The following RARB variants were observed in gnomAD, a reference collection of about 807,000 sequenced individuals.
The protein encoded by RARB is HBV-activated protein.
A neutral mutation model predicts 51.9 loss-of-function variants in RARB; 17 were observed. That is an observed-to-expected ratio of 0.33 (90% CI 0.22 to 0.49). RARB has a LOEUF of 0.49. Ranked by LOEUF, RARB falls within the 20% of genes least tolerant of loss-of-function variation. The probability of loss-of-function intolerance (pLI) is 0.99; values close to 1 mark genes in which losing one functional copy is unlikely to be tolerated. For missense variants in RARB, 369 were observed against 550.8 expected (o/e 0.67, Z 3.30); for synonymous variants, 215 against 195.4 (o/e 1.10, Z -0.84).
chr3:24,905,005 A>T (rs1405177096), intron 2 of RARB, among the ~76,000 whole-genome samples: 1 of 152,014 alleles, frequency 6.6e-6, no homozygotes, highest in Non-Finnish European at 1.5e-5. Context: ...ACACAAGGGG[A>T]GGGATAGTAT....
At position 25,312,418 on chromosome 3, in the gene RARB, T is replaced by C. The variant is rs73154996; in HGVS notation, c.178+137843T>C. On this transcript the variant is annotated intron_variant, in intron 5 of 11. Coordinates refer to the RARB transcript ENST00000383772. ...GAGAAGTTAAAGGACTCATTCAGGA[T>C]TATACAGCTAATAAGCAGCACGTCA... 9.8e-3 allele frequency among the ~76,000 whole-genome samples: 1,495 copies of C among 152,264 alleles called. 21 individuals carry two copies. The highest frequency in any genetic ancestry group is 0.034 in the African/African-American group (1,406 of 41,542).
chr3:25,503,936 C>G (rs1350950566), intron 3 of RARB, among the ~76,000 whole-genome samples: 1 of 152,200 alleles, frequency 6.6e-6, no homozygotes, highest in Non-Finnish European at 1.5e-5. Flanking sequence ...GTTCTCCCAG[C>G]AGTCCCAACT....
At chr3:25,035,851 C>A (rs1344399001) in intron 2 of RARB, among the ~76,000 whole-genome samples, 1 of 152,094 alleles carries the variant, frequency 6.6e-6, no homozygotes, top group East Asian at 1.9e-4. Flanking sequence ...GTTTGTGAAC[C>A]ACTGGTCTAC....
chr3:24,992,292 T>A (rs746692461), intron 2 of RARB, among the ~76,000 whole-genome samples: 1 of 152,214 alleles, frequency 6.6e-6, no homozygotes, highest in African/African-American at 2.4e-5. Context: ...GTTTGACATA[T>A]GTTTCTTTTC....
At chr3:24,985,298 G>A (rs572800874) in intron 2 of RARB, among the ~76,000 whole-genome samples, 6 of 151,922 alleles carry the variant, frequency 3.9e-5, no homozygotes, top group South Asian at 2.1e-4. Context: ...AGCAGCAATC[G>A]GACTTACACT....
At chr3:25,328,225 G>T (rs1704782483) in intron 5 of RARB, among the ~76,000 whole-genome samples, 1 of 152,222 alleles carries the variant, frequency 6.6e-6, no homozygotes, top group South Asian at 2.1e-4. Flanking sequence ...AGCGATTTAA[G>T]TAGTTGCCTC....
intron 2 of RARB, among the ~76,000 whole-genome samples, chr3:24,961,859 T>C (rs1194750352): frequency 6.6e-6 from 1 of 152,034 alleles, no homozygotes; most frequent in Non-Finnish European, 1.5e-5. Flanking sequence ...ATTTTGGTTT[T>C]CTTATAAGTG....
chr3:25,594,466 GGGGAA>G lies in RARB; in HGVS notation c.992-53_992-49del. On this transcript the variant is annotated intron_variant, in intron 6 of 7. Coordinates refer to ENST00000330688, the MANE Select transcript of RARB (RefSeq NM_000965.5). Reference sequence around the variant, plus strand: ...AGTAGGAATAAGGAAACAAGGAAGAGGGGAAAAGGGCATAAATCCTGATTTTGTTT... The same window carrying G: ...AGTAGGAATAAGGAAACAAGGAAGAGAAGGGCATAAATCCTGATTTTGTTT... 6.0e-6 allele frequency: 9 copies of G among 1,508,652 alleles called. No homozygotes were observed. The Admixed American group carries it at 1.7e-4, about 29-fold the overall frequency. 93.5% of individuals were successfully genotyped at this position (1,508,652 alleles called of 1,614,324 possible). A position where few individuals can be genotyped will look rare whatever the true frequency, so the allele number is the denominator to read the frequency against.
At chr3:24,995,123 G>A (rs1356396595) in intron 2 of RARB, among the ~76,000 whole-genome samples, 1 of 151,848 alleles carries the variant, frequency 6.6e-6, no homozygotes, top group Non-Finnish European at 1.5e-5. Flanking sequence ...ATTCATGAAC[G>A]TGAGATGTTT....
intron 5 of RARB, among the ~76,000 whole-genome samples, chr3:25,289,117 G>C (rs1196124541): frequency 9.2e-5 from 14 of 152,202 alleles, no homozygotes; most frequent in Admixed American, 8.5e-4. Flanking sequence ...TAGTGGATTA[G>C]AGCTCAGATT....
At chr3:25,389,870 G>A (rs6795515) in intron 5 of RARB, among the ~76,000 whole-genome samples, 5,445 of 152,232 alleles carry the variant, frequency 0.036, 310 homozygotes, top group African/African-American at 0.12. Context: ...CTAAAAGAAA[G>A]GGTAATAATA....
intron 1 of RARB, among the ~76,000 whole-genome samples, chr3:24,837,874 T>C (rs916824040): frequency 6.6e-6 from 1 of 152,246 alleles, no homozygotes; most frequent in South Asian, 2.1e-4. Context: ...TTTCTATCAC[T>C]GCCTTAACAC....
chr3:25,293,210 T>A (rs1275268860), intron 5 of RARB, among the ~76,000 whole-genome samples: 1 of 152,098 alleles, frequency 6.6e-6, no homozygotes, highest in East Asian at 1.9e-4. Context: ...TAGTTAAAAA[T>A]GTGGGCAAAG....
chr3:25,534,725 T>C (rs1317135345), intron 3 of RARB, among the ~76,000 whole-genome samples: 1 of 152,244 alleles, frequency 6.6e-6, no homozygotes, highest in Non-Finnish European at 1.5e-5. Flanking sequence ...GGTTTGTATT[T>C]TGTTTTATCC....
At chr3:25,380,378 G>A (rs1706589827) in intron 5 of RARB, among the ~76,000 whole-genome samples, 2 of 152,306 alleles carry the variant, frequency 1.3e-5, no homozygotes, top group African/African-American at 4.8e-5. Context: ...GGCCTCCAGA[G>A]TGACCCCAAC....
intron 5 of RARB, among the ~76,000 whole-genome samples, chr3:25,386,020 C>T (rs1442025119): frequency 1.3e-5 from 2 of 152,174 alleles, no homozygotes; most frequent in East Asian, 1.9e-4. Context: ...GGATCCAGCA[C>T]ATTTCCTCTT....
intron 3 of RARB, among the ~76,000 whole-genome samples, chr3:25,531,042 G>A (rs1456267560): frequency 6.6e-6 from 1 of 152,172 alleles, no homozygotes; most frequent in Non-Finnish European, 1.5e-5. Flanking sequence ...AACACAGGTG[G>A]AGAAATAGAA....
At chr3:25,530,158 C>T (rs868527365) in intron 3 of RARB, among the ~76,000 whole-genome samples, 3 of 152,192 alleles carry the variant, frequency 2.0e-5, no homozygotes, top group Middle Eastern at 3.2e-3. Context: ...CTTATATCCC[C>T]TGGGTCTGGC....
At chr3:25,216,692 G>A (rs2125381983) in intron 5 of RARB, among the ~76,000 whole-genome samples, 1 of 150,822 alleles carries the variant, frequency 6.6e-6, no homozygotes, top group Non-Finnish European at 1.5e-5. Flanking sequence ...TTCTGCACGT[G>A]TATCCTGTTT....
Sources: allele counts gnomAD v4.1 joint callset (sites outside exome capture counted in the v4.1 genomes callset), GRCh38; gene constraint gnomAD v4.1.1; transcripts MANE v1.5; gene names NCBI Gene and HGNC (gene_info 2026-07-23, HGNC 2026-07-21).